SLC25A25: variants seen among roughly 807,000 people sequenced by gnomAD.
SLC25A25 encodes the protein solute carrier family 25 member 25.
In SLC25A25, 32 loss-of-function variants were observed where a neutral mutation model predicts 57.7. The observed-to-expected ratio is 0.55, with a 90% CI of 0.42 to 0.74. SLC25A25 has a LOEUF of 0.74. SLC25A25 is among the 30% of genes least tolerant of loss of function. The pLI is 0.00. For missense variants in SLC25A25, 556 were observed against 701.3 expected (o/e 0.79, Z 2.34); for synonymous variants, 306 against 291.2 (o/e 1.05, Z -0.52).
intron 1 of SLC25A25, chr9:128,092,069 C>T (rs768146873): frequency 3.1e-6 from 5 of 1,613,742 alleles, no homozygotes; most frequent in Non-Finnish European, 4.2e-6. Context: ...GGTGGTTGGA[C>T]CTGCAGAGCA....
At chr9:128,079,425 A>AAAAAAAG (rs895647855) in intron 1 of SLC25A25, among the ~76,000 whole-genome samples, 4 of 147,836 alleles carry the variant, frequency 2.7e-5, no homozygotes, top group African/African-American at 1.0e-4. Context: ...AAAAAAAAAA[A>AAAAAAAG]AAAAAAGGGT....
intron 1 of SLC25A25, among the ~76,000 whole-genome samples, chr9:128,074,208 T>C (rs773156074): frequency 3.2e-4 from 49 of 151,522 alleles, no homozygotes; most frequent in Admixed American, 1.3e-4. Flanking sequence ...TCAGGCTAAC[T>C]TTTTTGTATT....
chr9:128,098,322 T>A lies in SLC25A25; in HGVS notation c.262-2774T>A, dbSNP rs1427406694. 5 of 514,798 alleles carry A rather than the reference T, an allele frequency of 9.7e-6. No homozygotes were observed. The East Asian group carries it at 2.2e-4, about 23-fold the overall frequency. 31.9% of individuals were successfully genotyped at this position (514,798 alleles called of 1,614,324 possible). A position where few individuals can be genotyped will look rare whatever the true frequency, so the allele number is the denominator to read the frequency against. On this transcript the variant is annotated intron_variant, in intron 1 of 10. Coordinates refer to ENST00000373069, the MANE Select transcript of SLC25A25 (RefSeq NM_001330988.2). ...GAGGGAGCGGTGACGTCAGCCCTGA[T>A]CTTTGTGCCTCTCACTTGAGCAACC...
In SLC25A25 at chr9:128,102,356, C is replaced by G; in HGVS notation, c.513-14C>G. The G allele has an allele frequency of 6.2e-7, 1 of 1,610,498 alleles. No individual in the cohort carries two copies. The highest frequency in any genetic ancestry group is 1.1e-5 in the South Asian group (1 of 90,990). ...GCATGTGGGCACGTGGGCAGCCTCG[C>G]CTCTGTCTTGCAGCATGGATAAAAA... is the stretch of plus-strand genomic sequence containing the variant. On this transcript the variant is annotated splice_polypyrimidine_tract_variant and intron_variant, in intron 4 of 10. Transcript: ENST00000373069. This position sits in a 1 kb window ranked among gnomAD's most constrained non-coding sequence, Gnocchi z 4.1.
At chr9:128,071,039 C>T (rs1040252495) in intron 1 of SLC25A25, among the ~76,000 whole-genome samples, 6 of 152,106 alleles carry the variant, frequency 3.9e-5, no homozygotes, top group Admixed American at 6.5e-5. Flanking sequence ...TTTTGTGAAC[C>T]TACCCACTTG....
chr9:128,102,110 C>T lies in SLC25A25; in HGVS notation c.507C>T (p.Val169=), dbSNP rs968977239. 14 of 1,550,496 alleles carry T rather than the reference C, an allele frequency of 9.0e-6. No homozygotes were observed. Among genetic ancestry groups the T allele is most frequent in the Non-Finnish European group, 1.2e-5 (14 of 1,146,994 alleles). Residue 169 remains valine (V), a synonymous_variant, in exon 4 of 11, where the codon GTC becomes GTT. Coordinates refer to ENST00000373069, the MANE Select transcript of SLC25A25 (RefSeq NM_001330988.2). This position sits in a 1 kb window ranked among gnomAD's most constrained non-coding sequence, Gnocchi z 4.1. The part of the protein sequence containing the change: ...RIRTGHFWGP[V]TYMDKNGTMT... ...GAACGGGCCATTTCTGGGGCCCTGT[C>T]ACCTAGTAAGTATCCATGTCGCTCA...
chr9:128,104,832 AT>A (rs1833949089), intron 6 of SLC25A25, among the ~76,000 whole-genome samples: 1 of 964 alleles, frequency 1.0e-3, no homozygotes, highest in Non-Finnish European at 0.033. Context: ...ATTTTTAAAA[AT>A]TATTATTATT....
chr9:128,086,832 G>C (rs1303624862), intron 1 of SLC25A25, among the ~76,000 whole-genome samples: 2 of 152,164 alleles, frequency 1.3e-5, no homozygotes, highest in African/African-American at 4.8e-5. Context: ...CCTTTGAGCT[G>C]TGGTCCTCAT....
chr9:128,085,591 C>A (rs891621541), intron 1 of SLC25A25, among the ~76,000 whole-genome samples: 4 of 152,008 alleles, frequency 2.6e-5, no homozygotes, highest in Non-Finnish European at 5.9e-5. Flanking sequence ...ATCGCTAACA[C>A]CTAGTTTATT....
At chr9:128,106,985 C>T in intron 9 of SLC25A25, 44 bp from the exon 10 acceptor site, 3 of 1,589,228 alleles carry the variant, frequency 1.9e-6, no homozygotes, top group Non-Finnish European at 2.6e-6. Context: ...TGCTGCCTCA[C>T]TAGCCCTTCC....
intron 1 of SLC25A25, among the ~76,000 whole-genome samples, chr9:128,080,893 T>A (rs1384482723): frequency 1.3e-5 from 2 of 152,194 alleles, no homozygotes; most frequent in Non-Finnish European, 1.5e-5. Context: ...TTGTCCAGTG[T>A]CCTATAAAGG....
chr9:128,091,643 G>T (rs2130802529), intron 1 of SLC25A25: 2 of 1,196,990 alleles, frequency 1.7e-6, no homozygotes, highest in East Asian at 7.1e-5. Context: ...TCTCCTTATT[G>T]CCGGCAGCCT....
At chr9:128,098,209 G>A (rs1833623264) in intron 1 of SLC25A25, 1 of 187,282 alleles carries the variant, frequency 5.3e-6, no homozygotes, top group Non-Finnish European at 1.1e-5. Flanking sequence ...TTGGCAGCTA[G>A]AGGGTGAAGG....
At chr9:128,090,030 C>T (rs1833363378) in intron 1 of SLC25A25, among the ~76,000 whole-genome samples, 2 of 151,996 alleles carry the variant, frequency 1.3e-5, no homozygotes, top group Non-Finnish European at 2.9e-5. Flanking sequence ...AGAGGATGTT[C>T]GGTGAAAACA....
intron 1 of SLC25A25, chr9:128,091,450 G>A (rs1017390005): frequency 2.6e-5 from 26 of 985,844 alleles, no homozygotes; most frequent in East Asian, 1.1e-4. Context: ...TCGGGTCCTC[G>A]GCTTGGGTGA....
chr9:128,102,448 C>T lies in SLC25A25; in HGVS notation c.591C>T (p.Ile197=). 6.2e-7 allele frequency: 1 copy of T among 1,614,006 alleles called. No homozygotes were observed. Among genetic ancestry groups the T allele is most frequent in the African/African-American group, 1.3e-5 (1 of 75,032 alleles). ...ACCTCCTCCACCCCGTGGAAAACAT[C>T]CCCGAGATCATCCTCTACTGGAAGC... The part of the protein sequence containing the change: ...DYHLLHPVEN[I]PEIILYWKHS... The change falls in exon 5 of 11, where the codon ATC becomes ATT. Residue 197 remains isoleucine, a synonymous_variant. Transcript: ENST00000373069. The surrounding 1 kb of genome is among the most constrained non-coding windows in gnomAD (Gnocchi z 4.1).
rs1833834492 is a variant in SLC25A25 at position 128,102,315 on chromosome 9, T to A, written c.513-55T>A. 16 of 1,523,860 alleles carry A rather than the reference T, an allele frequency of 1.0e-5. No homozygotes were observed. Among genetic ancestry groups the A allele is most frequent in the Non-Finnish European group, 1.5e-5 (16 of 1,102,076 alleles). 94.4% of individuals were successfully genotyped at this position (1,523,860 alleles called of 1,614,324 possible). A position where few individuals can be genotyped will look rare whatever the true frequency, so the allele number is the denominator to read the frequency against. ...CTTGGCTCACTGGGAGGTGGGGGGA[T>A]GCAGCTGGCGGATGGGCATGTGGGC... On this transcript the variant is annotated intron_variant, in intron 4 of 10. Transcript: ENST00000373069. This position sits in a 1 kb window ranked among gnomAD's most constrained non-coding sequence, Gnocchi z 4.1.
At chr9:128,081,324 G>A (rs1219533025) in intron 1 of SLC25A25, among the ~76,000 whole-genome samples, 1 of 152,326 alleles carries the variant, frequency 6.6e-6, no homozygotes, top group South Asian at 2.1e-4. Context: ...CAGTGTGAGT[G>A]CAATCCTGAG....
At chr9:128,098,743 G>A (rs575511708) in intron 1 of SLC25A25, 9 of 1,612,538 alleles carry the variant, frequency 5.6e-6, no homozygotes, top group Non-Finnish European at 5.9e-6. Context: ...GGGTGACCGC[G>A]CGGAAGGGAG....
Sources: allele counts gnomAD v4.1 joint callset (sites outside exome capture counted in the v4.1 genomes callset), GRCh38; gene constraint gnomAD v4.1.1; non-coding constraint Gnocchi (gnomAD v3.1); transcripts MANE v1.5; gene names NCBI Gene and HGNC (gene_info 2026-07-23, HGNC 2026-07-21).